SCHIP1: variants seen among roughly 807,000 people sequenced by gnomAD.
SCHIP1 encodes schwannomin interacting protein 1, also known as schwannomin-interacting protein 1.
A neutral mutation model predicts 29.7 loss-of-function variants in SCHIP1; 8 were observed. That is an observed-to-expected ratio of 0.27 (90% CI 0.16 to 0.49). The LOEUF (loss-of-function observed/expected upper bound fraction) is 0.49, where lower values mean the gene tolerates loss of function less well. Among genes scored for constraint, SCHIP1 ranks in the 20% least tolerant of loss-of-function variants. The pLI, the probability that SCHIP1 is intolerant of heterozygous loss-of-function variation, is 0.99. For missense variants in SCHIP1, 193 were observed against 294.6 expected (o/e 0.66, Z 2.52); for synonymous variants, 76 against 94.9 (o/e 0.80, Z 1.16).
At chr3:159,854,001 G>C (rs115461986) in intron 1 of SCHIP1, among the ~76,000 whole-genome samples, 10 of 152,088 alleles carry the variant, frequency 6.6e-5, no homozygotes, top group Admixed American at 3.9e-4. Flanking sequence ...TCACAGGCCC[G>C]AGTAAAAATA....
the SCHIP1 span, among the ~76,000 whole-genome samples, chr3:159,345,554 T>TCTCTCTCTCTCTC: frequency 9.2e-4 from 86 of 93,506 alleles, 1 homozygote; most frequent in African/African-American, 3.0e-3. Context: ...GTGTCTCTCT[T>TCTCTCTCTCTCTC]TCTCTCTCTC....
the SCHIP1 span, among the ~76,000 whole-genome samples, chr3:159,805,184 G>A: frequency 6.6e-6 from 1 of 152,208 alleles, no homozygotes; most frequent in African/African-American, 2.4e-5. Context: ...AGTTAAGGTA[G>A]TTACTAAAAG....
At chr3:159,634,876 G>A in the SCHIP1 span, among the ~76,000 whole-genome samples, 3 of 151,932 alleles carry the variant, frequency 2.0e-5, no homozygotes, top group South Asian at 2.1e-4. Flanking sequence ...GCTTAATAGC[G>A]CCTTCAAATG....
chr3:159,420,559 G>A, the SCHIP1 span, among the ~76,000 whole-genome samples: 1 of 152,116 alleles, frequency 6.6e-6, no homozygotes, highest in Non-Finnish European at 1.5e-5. Flanking sequence ...GTGGATGATT[G>A]CCATTTAGGC....
chr3:159,832,811 A>G, the SCHIP1 span, among the ~76,000 whole-genome samples: 4 of 152,140 alleles, frequency 2.6e-5, no homozygotes, highest in African/African-American at 9.7e-5. Context: ...CCTTATCTGC[A>G]GTCTCATTTT....
chr3:159,627,325 C>T, the SCHIP1 span, among the ~76,000 whole-genome samples: 1 of 152,222 alleles, frequency 6.6e-6, no homozygotes, highest in Non-Finnish European at 1.5e-5. Context: ...TTCTCTCAAA[C>T]TGCATGGTGA....
chr3:159,588,514 C>G, the SCHIP1 span, among the ~76,000 whole-genome samples: 263 of 152,190 alleles, frequency 1.7e-3, 5 homozygotes, highest in South Asian at 3.3e-3. Context: ...ATTGCTTTTG[C>G]TGTTTTAGAC....
chr3:159,661,509 G>A, the SCHIP1 span, among the ~76,000 whole-genome samples: 25 of 152,160 alleles, frequency 1.6e-4, no homozygotes, highest in Non-Finnish European at 2.6e-4. Flanking sequence ...CACTAATATC[G>A]TGCAACATAT....
At chr3:159,634,285 A>C in the SCHIP1 span, among the ~76,000 whole-genome samples, 1 of 152,180 alleles carries the variant, frequency 6.6e-6, no homozygotes, top group Admixed American at 6.6e-5. Flanking sequence ...GAAGAATGGA[A>C]GAGGGTTAGT....
At chr3:159,839,179 C>G (rs546651358), upstream of SCHIP1, among the ~76,000 whole-genome samples, 112 of 151,906 alleles carry the variant, frequency 7.4e-4, no homozygotes, top group African/African-American at 2.6e-3. Flanking sequence ...CAGAATTACT[C>G]TGTCTCAGGG....
At chr3:159,474,458 T>C in the SCHIP1 span, among the ~76,000 whole-genome samples, 1 of 152,186 alleles carries the variant, frequency 6.6e-6, no homozygotes, top group African/African-American at 2.4e-5. Flanking sequence ...CCTGATTAAA[T>C]AGAGTATCTT....
the SCHIP1 span, among the ~76,000 whole-genome samples, chr3:159,696,158 T>C: frequency 6.6e-6 from 1 of 152,176 alleles, no homozygotes; most frequent in Admixed American, 6.5e-5. Flanking sequence ...TTCAAACTCC[T>C]TGGTTTATAA....
At chr3:159,800,206 C>T in the SCHIP1 span, among the ~76,000 whole-genome samples, 33 of 152,320 alleles carry the variant, frequency 2.2e-4, no homozygotes, top group South Asian at 6.0e-3. Context: ...AAACAAAACA[C>T]AGATAACACT....
At chr3:159,415,249 C>A in the SCHIP1 span, among the ~76,000 whole-genome samples, 1 of 152,068 alleles carries the variant, frequency 6.6e-6, no homozygotes, top group Non-Finnish European at 1.5e-5. Flanking sequence ...AACTGAGTGT[C>A]TGTATTATTC....
intron 2 of SCHIP1, among the ~76,000 whole-genome samples, chr3:159,873,771 A>T (rs1715508684): frequency 6.6e-6 from 1 of 152,236 alleles, no homozygotes; most frequent in African/African-American, 2.4e-5. Context: ...TTTCCGTAAA[A>T]AGTTTTTTAA....
the SCHIP1 span, among the ~76,000 whole-genome samples, chr3:159,591,366 C>T: frequency 6.6e-6 from 1 of 152,110 alleles, no homozygotes; most frequent in African/African-American, 2.4e-5. Flanking sequence ...GTGGCGATTC[C>T]TCAAGGATCT....
the SCHIP1 span, among the ~76,000 whole-genome samples, chr3:159,349,678 G>A: frequency 1.1e-3 from 164 of 152,200 alleles, no homozygotes; most frequent in African/African-American, 3.8e-3. Flanking sequence ...GTTCTTATGT[G>A]TGACATGATA....
the SCHIP1 span, among the ~76,000 whole-genome samples, chr3:159,729,824 G>A: frequency 2.0e-5 from 3 of 152,174 alleles, no homozygotes; most frequent in East Asian, 1.9e-4. Flanking sequence ...TATTCATTAC[G>A]CAACTATTTT....
At chr3:159,359,863 C>G in the SCHIP1 span, among the ~76,000 whole-genome samples, 1 of 152,178 alleles carries the variant, frequency 6.6e-6, no homozygotes, top group Non-Finnish European at 1.5e-5. Flanking sequence ...GTAGGCAAGT[C>G]TTATGAAGAG....
Sources: allele counts gnomAD v4.1 joint callset (sites outside exome capture counted in the v4.1 genomes callset), GRCh38; gene constraint gnomAD v4.1.1; transcripts MANE v1.5; gene names NCBI Gene and HGNC (gene_info 2026-07-23, HGNC 2026-07-21).